Variants in CATSPERE observed in about 807,000 individuals in gnomAD.
CATSPERE encodes cation channel sperm-associated auxiliary subunit epsilon.
A neutral mutation model predicts 114.1 loss-of-function variants in CATSPERE; 93 were observed. The ratio of observed to expected loss-of-function variants is 0.81; its 90% confidence interval spans 0.69 to 0.97. CATSPERE has a LOEUF of 0.97. Among genes scored for constraint, CATSPERE ranks in the 50% least tolerant of loss-of-function variants. The pLI is 0.00. For synonymous variants in CATSPERE, 341 were observed against 384.1 expected, an observed-to-expected ratio of 0.89 and a Z score of 1.31; for missense variants, 1,058 against 1,131.6, an observed-to-expected ratio of 0.93 and a Z score of 0.93.
At position 244,525,411 on chromosome 1, in the gene CATSPERE, G is replaced by T. The variant is rs141969290; in HGVS notation, c.536+6713G>T. Among the ~76,000 whole-genome samples, 650 of 152,000 alleles carry T rather than the reference G, an allele frequency of 4.3e-3. 7 individuals are homozygous for T. Among genetic ancestry groups the T allele is most frequent in the African/African-American group, 0.015 (631 of 41,462 alleles). On this transcript the variant is annotated intron_variant, in intron 8 of 21. Transcript: ENST00000366534. ...GCTAGATGATGAGTTAGTGGGTACA[G>T]CACACCAGCATGGCACATGTATACA...
intron 9 of CATSPERE, among the ~76,000 whole-genome samples, chr1:244,553,794 G>C (rs538147921): frequency 6.6e-6 from 1 of 151,862 alleles, no homozygotes; most frequent in Non-Finnish European, 1.5e-5. Flanking sequence ...ATATTTGTAC[G>C]TATTAACCAG....
chr1:244,569,486 A>G (rs927676519), intron 10 of CATSPERE, among the ~76,000 whole-genome samples: 1 of 152,124 alleles, frequency 6.6e-6, no homozygotes, highest in Non-Finnish European at 1.5e-5. Flanking sequence ...ATGTATTGCA[A>G]ATATTTTCTC....
intron 7 of CATSPERE, among the ~76,000 whole-genome samples, chr1:244,508,072 T>C (rs1338788699): frequency 2.0e-5 from 3 of 152,156 alleles, no homozygotes; most frequent in African/African-American, 4.8e-5. Flanking sequence ...TATGGTCGTT[T>C]TAACAATATT....
intron 8 of CATSPERE, among the ~76,000 whole-genome samples, chr1:244,547,065 G>A (rs1659870235): frequency 1.3e-5 from 2 of 152,090 alleles, no homozygotes; most frequent in Non-Finnish European, 2.9e-5. Flanking sequence ...ACAAAGAGAG[G>A]ATCCTGAAAG....
chr1:244,491,678 A>G (rs1314901996), intron 6 of CATSPERE, among the ~76,000 whole-genome samples: 1 of 151,902 alleles, frequency 6.6e-6, no homozygotes, highest in Admixed American at 6.5e-5. Context: ...AAAGACCAAC[A>G]AAATCGATAG....
At chr1:244,562,891 C>T (rs1028471056) in intron 10 of CATSPERE, among the ~76,000 whole-genome samples, 5 of 152,148 alleles carry the variant, frequency 3.3e-5, no homozygotes, top group African/African-American at 1.2e-4. Context: ...CCTACCCTCC[C>T]AACCCCTGAC....
At chr1:244,499,969 A>G (rs1673767141) in intron 7 of CATSPERE, among the ~76,000 whole-genome samples, 1 of 152,186 alleles carries the variant, frequency 6.6e-6, no homozygotes. Flanking sequence ...CAACAGTGTA[A>G]AAACGTTCCT....
At chr1:244,468,085 A>C (rs1000547628) in intron 2 of CATSPERE, among the ~76,000 whole-genome samples, 1 of 146,200 alleles carries the variant, frequency 6.8e-6, no homozygotes, top group Admixed American at 6.8e-5. Context: ...GGACCATTTT[A>C]TTGTTTTTTT....
chr1:244,488,605 G>A (rs765987543), intron 5 of CATSPERE, among the ~76,000 whole-genome samples: 1 of 152,184 alleles, frequency 6.6e-6, no homozygotes, highest in Non-Finnish European at 1.5e-5. Context: ...CAAGGTTACT[G>A]TATTAATACG....
Position 244,463,890 on chromosome 1 carries a change from T to G in CATSPERE, c.66-18T>G. The G allele has an allele frequency of 6.3e-7, 1 of 1,575,584 alleles. No individual in the cohort carries two copies. The highest frequency in any genetic ancestry group is 8.7e-7 in the Non-Finnish European group (1 of 1,145,304). On this transcript the variant is annotated intron_variant, in intron 1 of 21. Transcript: ENST00000366534. ...ATAAATTAGTTTTAATATTTATACT[T>G]GGCCTCTTCCTCCACAGGTATTCCA...
At chr1:244,560,414 G>T (rs548069027) in intron 9 of CATSPERE, among the ~76,000 whole-genome samples, 1 of 150,488 alleles carries the variant, frequency 6.6e-6, no homozygotes, top group Non-Finnish European at 1.5e-5. Flanking sequence ...GGGGTGGGGG[G>T]GCAGGATGGG....
chr1:244,560,090 T>C (rs957290990), intron 9 of CATSPERE, among the ~76,000 whole-genome samples: 2 of 152,124 alleles, frequency 1.3e-5, no homozygotes, highest in African/African-American at 4.8e-5. Context: ...ACTCCTGGGC[T>C]CAAGTGATCC....
intron 11 of CATSPERE, among the ~76,000 whole-genome samples, chr1:244,579,451 C>T (rs1281616657): frequency 6.6e-6 from 1 of 152,030 alleles, no homozygotes; most frequent in Non-Finnish European, 1.5e-5. Flanking sequence ...TCGTGAAACA[C>T]CTTTTTCTTA....
chr1:244,611,956 G>A (rs1670792887), intron 19 of CATSPERE, among the ~76,000 whole-genome samples: 1 of 152,216 alleles, frequency 6.6e-6, no homozygotes, highest in South Asian at 2.1e-4. Flanking sequence ...CCCACTCCCA[G>A]AGTTTCTAAT....
intron 7 of CATSPERE, among the ~76,000 whole-genome samples, chr1:244,505,687 A>C (rs1484899885): frequency 1.3e-5 from 2 of 152,126 alleles, no homozygotes; most frequent in African/African-American, 4.8e-5. Context: ...GATCCTAACA[A>C]CATACCATAG....
rs11551879 is a variant in CATSPERE at position 244,490,454 on chromosome 1, T to C, written c.334T>C (p.Phe112Leu). 8 of 1,541,268 alleles carry C rather than the reference T, an allele frequency of 5.2e-6. No homozygotes were observed. The South Asian group carries it at 5.7e-5, about 11-fold the overall frequency. The change falls in exon 6 of 22, where the codon TTT (phenylalanine) becomes CTT (leucine). Residue 112 changes from phenylalanine (F) to leucine (L), a missense_variant. Phe to Leu is a conservative substitution (Grantham distance 22, BLOSUM62 0). Transcript: ENST00000366534. Reference sequence around the variant, plus strand: ...TCCTCTTTTTCCAAGCAGACATTTCTTTAACAACTTTACCCAGGTAAAATA... The same window carrying C: ...TCCTCTTTTTCCAAGCAGACATTTCCTTAACAACTTTACCCAGGTAAAATA... ...FLWYYRVRHF[F>L]NNFTQLITVW...
Position 244,591,687 on chromosome 1 carries a change from TA to T in CATSPERE, c.2151del (p.Gly718AspfsTer10). Reference sequence around the variant, plus strand: ...TATGTTTTGTCTTTTGTAGATTTAGTAAAAAAGGATGTCATCACCATGATTT... The same window carrying T: ...TATGTTTTGTCTTTTGTAGATTTAGTAAAAAGGATGTCATCACCATGATTT... ...KKFIAIKGFS[K>X]KGCHHHDFSY... On this transcript the variant is annotated frameshift_variant, in exon 15 of 22. Transcript: ENST00000366534. LOFTEE classifies it high-confidence loss of function. The T allele has an allele frequency of 3.3e-6, 5 of 1,500,784 alleles. No individual in the cohort carries two copies. The highest frequency in any genetic ancestry group is 1.8e-5 in the Admixed American group (1 of 54,070). 93.0% of individuals were successfully genotyped at this position (1,500,784 alleles called of 1,614,324 possible).
chr1:244,489,257 C>T (rs1671556071), intron 5 of CATSPERE, among the ~76,000 whole-genome samples: 1 of 152,218 alleles, frequency 6.6e-6, no homozygotes, highest in Admixed American at 6.5e-5. Flanking sequence ...AGCCACCAGG[C>T]CCGGCCTGTT....
chr1:244,555,881 CT>C (rs1381235741), intron 9 of CATSPERE, among the ~76,000 whole-genome samples: 2 of 152,134 alleles, frequency 1.3e-5, no homozygotes, highest in Non-Finnish European at 2.9e-5. Context: ...TGAAAGATCT[CT>C]GCAAGGAAGA....
Sources: gnomAD v4.1 joint callset for allele counts (sites outside exome capture counted in the v4.1 genomes callset) on GRCh38, gnomAD v4.1.1 for gene constraint, MANE v1.5 for transcripts, NCBI Gene and HGNC (gene_info 2026-07-23, HGNC 2026-07-21) for gene names.